The following HIBCH variants were observed in gnomAD, a reference collection of about 807,000 sequenced individuals.
HIBCH encodes 3-hydroxyisobutyryl-CoA hydrolase.
A neutral mutation model predicts 58.2 loss-of-function variants in HIBCH; 50 were observed. That is an observed-to-expected ratio of 0.86 (90% CI 0.68 to 1.09). HIBCH has a LOEUF of 1.09. HIBCH is among the 50% of genes least tolerant of loss of function. The probability of loss-of-function intolerance (pLI) is 0.00; values close to 1 mark genes in which losing one functional copy is unlikely to be tolerated. For synonymous variants in HIBCH, 151 were observed against 146.9 expected, an observed-to-expected ratio of 1.03 and a Z score of -0.20; for missense variants, 450 against 449.7, an observed-to-expected ratio of 1.00 and a Z score of -0.01.
In HIBCH at chr2:190,254,804, T is replaced by C. The variant is rs779533307; in HGVS notation, c.518-2497A>G. ...TCCAAACTACTCCAAAGCCAAAATC[T>C]CTCCAGACTGTGCTGTCCAACAGAA... On this transcript the variant is annotated intron_variant, in intron 7 of 13. Coordinates refer to ENST00000359678, the MANE Select transcript of HIBCH (RefSeq NM_014362.4). This position sits in a 1 kb window ranked among gnomAD's most constrained non-coding sequence, Gnocchi z 5.0. Among the ~76,000 whole-genome samples, 1 of 152,138 alleles carries C rather than the reference T, an allele frequency of 6.6e-6. No individual in the cohort carries two copies. Among genetic ancestry groups the C allele is most frequent in the Non-Finnish European group, 1.5e-5 (1 of 68,020 alleles).
At chr2:190,268,704 C>T (rs1687308886) in intron 6 of HIBCH, among the ~76,000 whole-genome samples, 1 of 152,198 alleles carries the variant, frequency 6.6e-6, no homozygotes, top group Non-Finnish European at 1.5e-5. Flanking sequence ...AGCACTTGCT[C>T]CCATATTTCC....
rs148188213 is a variant in HIBCH, at chr2:190,193,929, T to C, written c.*18-3932A>G. Reference sequence around the variant, plus strand: ...TTTCTATTATAAGCATTTAAGTATATAAATTTCCTTCTAAGCTCTAAAACT... The same window carrying C: ...TTTCTATTATAAGCATTTAAGTATACAAATTTCCTTCTAAGCTCTAAAACT... On this transcript the variant is annotated intron_variant, in intron 1 of 1. Coordinates refer to the HIBCH transcript ENST00000399855. 8.9e-4 allele frequency among the ~76,000 whole-genome samples: 135 copies of C among 152,348 alleles called. 2 individuals are homozygous for C. In the East Asian group the frequency reaches 0.021, roughly 24 times the overall value.
Position 190,215,187 on chromosome 2 carries a change from T to A in HIBCH, c.892-2112A>T, listed in dbSNP as rs970820697. On this transcript the variant is annotated intron_variant, in intron 11 of 13. Coordinates refer to ENST00000359678, the MANE Select transcript of HIBCH (RefSeq NM_014362.4). The surrounding 1 kb of genome is among the most constrained non-coding windows in gnomAD (Gnocchi z 4.4). ...AATTTTTATACTTAGGCTGAGATGA[T>A]GTCAATCATGAATATTGTGTTTACT... 3 of 152,222 alleles carry A rather than the reference T, an allele frequency of 2.0e-5. No individual in the cohort carries two copies. The highest frequency in any genetic ancestry group is 4.4e-5 in the Non-Finnish European group (3 of 68,062). 9.4% of individuals were successfully genotyped at this position (152,222 alleles called of 1,614,324 possible). A position where few individuals can be genotyped will look rare whatever the true frequency, so the allele number is the denominator to read the frequency against.
chr2:190,198,318 T>A (rs1401260695), intron 1 of HIBCH, among the ~76,000 whole-genome samples: 1 of 152,104 alleles, frequency 6.6e-6, no homozygotes, highest in Non-Finnish European at 1.5e-5. Context: ...AAAAAATGAA[T>A]TAGATGCACG....
At chr2:190,201,522 C>T (rs1690242899), downstream of HIBCH, 1 of 166,976 alleles carries the variant, frequency 6.0e-6, no homozygotes, top group Admixed American at 6.6e-5. Context: ...AGGCTTATGA[C>T]CTCTTTAATG....
chr2:190,232,522 G>A (rs149467766), intron 11 of HIBCH, among the ~76,000 whole-genome samples: 358 of 152,286 alleles, frequency 2.4e-3, no homozygotes, highest in Non-Finnish European at 4.1e-3. Context: ...ACTCTTAGGC[G>A]CTTACACCTG....
chr2:190,266,314 C>A (rs1325925253), intron 6 of HIBCH, among the ~76,000 whole-genome samples: 1 of 152,150 alleles, frequency 6.6e-6, no homozygotes, highest in African/African-American at 2.4e-5. Flanking sequence ...TGAAAATATA[C>A]GTACTCAGTA....
At chr2:190,305,629 G>T (rs1032730723) in intron 2 of HIBCH, among the ~76,000 whole-genome samples, 1 of 152,054 alleles carries the variant, frequency 6.6e-6, no homozygotes, top group Non-Finnish European at 1.5e-5. Flanking sequence ...GAATTTTGGG[G>T]GACACAATTC....
intron 11 of HIBCH, among the ~76,000 whole-genome samples, chr2:190,230,108 G>C (rs1368246609): frequency 6.6e-6 from 1 of 152,126 alleles, no homozygotes; most frequent in Non-Finnish European, 1.5e-5. Flanking sequence ...AAGGGTTTCT[G>C]TTTGGGTCCC....
chr2:190,241,811 A>T (rs944207342), intron 11 of HIBCH, among the ~76,000 whole-genome samples: 15 of 152,148 alleles, frequency 9.9e-5, no homozygotes, highest in African/African-American at 3.6e-4. Context: ...TCTGGATTGT[A>T]TGGTTTCTAC....
intron 2 of HIBCH, among the ~76,000 whole-genome samples, chr2:190,298,726 G>A (rs1256693262): frequency 2.0e-5 from 3 of 151,850 alleles, no homozygotes; most frequent in African/African-American, 7.3e-5. Context: ...TTTCTTTTGT[G>A]GTGCAGAAGC....
At chr2:190,208,561 T>C (rs1690447433) in intron 13 of HIBCH, 2 of 379,152 alleles carry the variant, frequency 5.3e-6, no homozygotes, top group Non-Finnish European at 9.8e-6. Context: ...TTTAAAAACA[T>C]ACACAACTTT....
chr2:190,293,943 G>C (rs961923126), intron 4 of HIBCH, among the ~76,000 whole-genome samples: 3 of 150,016 alleles, frequency 2.0e-5, no homozygotes, highest in Non-Finnish European at 4.4e-5. Flanking sequence ...AAAATAAAGA[G>C]AGTTTCTCTT....
intron 6 of HIBCH, among the ~76,000 whole-genome samples, chr2:190,278,031 A>C (rs1166012897): frequency 6.6e-6 from 1 of 152,186 alleles, no homozygotes; most frequent in Non-Finnish European, 1.5e-5. Context: ...AAATTCTACT[A>C]AAAATTCTGA....
chr2:190,224,707 T>A (rs1270127637), intron 11 of HIBCH, among the ~76,000 whole-genome samples: 1 of 152,064 alleles, frequency 6.6e-6, no homozygotes, highest in African/African-American at 2.4e-5. Context: ...CACCACACTG[T>A]CAACATTAGG....
In HIBCH at chr2:190,195,973, T is replaced by C. The variant is rs531322668; in HGVS notation, c.*18-5976A>G. Among the ~76,000 whole-genome samples, 13 of 133,200 alleles carry C rather than the reference T, an allele frequency of 9.8e-5. No homozygotes were observed. The South Asian group carries it at 3.2e-3, about 32-fold the overall frequency. 87.4% of individuals were successfully genotyped at this position (133,200 alleles called of 152,430 possible). ...TTTTTTTTTTTTTTTGGCATATGGATGATTTGTTTGTTCCAGCACTCGTTG... is the reference window on the plus strand; with the variant it reads ...TTTTTTTTTTTTTTTGGCATATGGACGATTTGTTTGTTCCAGCACTCGTTG... On this transcript the variant is annotated intron_variant, in intron 1 of 1. Transcript: ENST00000399855.
intron 6 of HIBCH, among the ~76,000 whole-genome samples, chr2:190,287,022 T>C (rs897989985): frequency 4.2e-4 from 23 of 54,360 alleles, no homozygotes; most frequent in Non-Finnish European, 8.7e-4. Context: ...TAAAATAGCA[T>C]ATAACGTGTG....
At chr2:190,274,848 T>C (rs1419473726) in intron 6 of HIBCH, among the ~76,000 whole-genome samples, 3 of 152,198 alleles carry the variant, frequency 2.0e-5, no homozygotes, top group Admixed American at 2.0e-4. Context: ...AGGAGTCTCT[T>C]GCAATTTGGT....
intron 2 of HIBCH, among the ~76,000 whole-genome samples, chr2:190,300,662 T>A (rs1187119412): frequency 1.3e-5 from 2 of 152,192 alleles, no homozygotes; most frequent in Non-Finnish European, 2.9e-5. Flanking sequence ...TTTAATTAGA[T>A]CTCATTTGTC....
Sources: gnomAD v4.1 joint callset for allele counts (sites outside exome capture counted in the v4.1 genomes callset) on GRCh38, gnomAD v4.1.1 for gene constraint, Gnocchi (gnomAD v3.1) non-coding constraint, MANE v1.5 for transcripts, NCBI Gene and HGNC (gene_info 2026-07-23, HGNC 2026-07-21) for gene names.